WDSUB1: variants seen among roughly 807,000 people sequenced by gnomAD.
The protein encoded by WDSUB1 is WD repeat, SAM and U-box domain-containing protein 1.
A neutral mutation model predicts 53.9 loss-of-function variants in WDSUB1; 49 were observed. That is an observed-to-expected ratio of 0.91 (90% confidence interval 0.72 to 1.15). The LOEUF is 1.15. Among genes scored for constraint, WDSUB1 ranks in the 50% most tolerant of loss-of-function variants. The pLI is 0.00. For synonymous variants in WDSUB1, 194 were observed against 200.6 expected, an observed-to-expected ratio of 0.97 and a Z score of 0.28; for missense variants, 514 against 562.0, an observed-to-expected ratio of 0.91 and a Z score of 0.86.
chr2:159,265,242 C>CT (rs34885885), intron 5 of WDSUB1, among the ~76,000 whole-genome samples: 53,355 of 151,586 alleles, frequency 0.35, 12,370 homozygotes, highest in Non-Finnish European at 0.54. Context: ...CAGTGAGCCA[C>CT]TCCAGCCTGG....
At chr2:159,247,945 A>ATATATATATATATAAATATATATAT in intron 10 of WDSUB1, among the ~76,000 whole-genome samples, 1 of 107,580 alleles carries the variant, frequency 9.3e-6, no homozygotes, top group East Asian at 2.5e-4. Context: ...ATATATATAA[A>ATATATATATATATAAATATATATAT]ATTTGGATTC....
rs189179235 is a variant in WDSUB1 at position 159,257,077 on chromosome 2, C to T, written c.952+681G>A. On this transcript the variant is annotated intron_variant, in intron 8 of 10. Transcript: ENST00000359774. The stretch of plus-strand genomic sequence containing the variant: ...ACAGTGGCGTGTTCTCAGCTCACTG[C>T]AGCCTCATGACCTCCTGGGCTCAGG... 3.3e-5 allele frequency among the ~76,000 whole-genome samples: 5 copies of T among 152,160 alleles called. No homozygotes were observed. In the East Asian group the frequency reaches 9.7e-4, roughly 29 times the overall value.
At chr2:159,282,545 A>G in intron 2 of WDSUB1, 127 bp downstream of exon 2, 1 of 1,140,280 alleles carries the variant, frequency 8.8e-7, no homozygotes, top group Non-Finnish European at 1.2e-6. Context: ...TCCTAGGGTC[A>G]TCAAAATATT....
chr2:159,249,205 C>T (rs1392722550), intron 9 of WDSUB1, among the ~76,000 whole-genome samples: 15 of 152,116 alleles, frequency 9.9e-5, no homozygotes, highest in Admixed American at 9.8e-4. Flanking sequence ...ATAAAAATGC[C>T]ATGTTACGAT....
intron 3 of WDSUB1, among the ~76,000 whole-genome samples, chr2:159,278,745 T>G (rs1330325858): frequency 6.6e-6 from 1 of 152,090 alleles, no homozygotes; most frequent in African/African-American, 2.4e-5. Flanking sequence ...CAAGAGCAAT[T>G]TGAGATTAGG....
At chr2:159,248,957 T>C (rs1394416610) in intron 9 of WDSUB1, among the ~76,000 whole-genome samples, 1 of 152,242 alleles carries the variant, frequency 6.6e-6, no homozygotes, top group Non-Finnish European at 1.5e-5. Flanking sequence ...CATACTGTTT[T>C]ACCGCATGAA....
intron 9 of WDSUB1, among the ~76,000 whole-genome samples, chr2:159,250,322 T>A (rs2060923049): frequency 1.3e-5 from 2 of 152,174 alleles, no homozygotes; most frequent in Non-Finnish European, 2.9e-5. Context: ...CAATTTTTTT[T>A]AAAGTGTCAC....
intron 9 of WDSUB1, among the ~76,000 whole-genome samples, chr2:159,252,416 A>T (rs938768771): frequency 1.3e-5 from 2 of 152,212 alleles, no homozygotes. Flanking sequence ...TAACAGCCAT[A>T]AAGACCTGTG....
At chr2:159,242,459 G>A (rs771661748) in intron 10 of WDSUB1, among the ~76,000 whole-genome samples, 3 of 146,430 alleles carry the variant, frequency 2.0e-5, no homozygotes, top group Non-Finnish European at 4.4e-5. Flanking sequence ...TTGGGAGATC[G>A]AGACCATCCT....
At chr2:159,249,788 G>T (rs2060904641) in intron 9 of WDSUB1, among the ~76,000 whole-genome samples, 1 of 151,984 alleles carries the variant, frequency 6.6e-6, no homozygotes, top group Non-Finnish European at 1.5e-5. Flanking sequence ...AGGGGAGGCT[G>T]GGTACAGTGG....
At chr2:159,236,327 AC>A in intron 10 of WDSUB1, 137 bp from the exon 11 acceptor site, 2 of 851,448 alleles carry the variant, frequency 2.3e-6, no homozygotes, top group East Asian at 2.7e-5. Context: ...TTGTACCAGC[AC>A]CCCCAAAAAT....
At chr2:159,239,485 T>C (rs2060584032) in intron 10 of WDSUB1, among the ~76,000 whole-genome samples, 1 of 129,808 alleles carries the variant, frequency 7.7e-6, no homozygotes, top group Admixed American at 7.0e-5. Context: ...AAAGGGTTTT[T>C]CCCTTTCAAG....
intron 1 of WDSUB1, among the ~76,000 whole-genome samples, chr2:159,285,631 C>T (rs554299252): frequency 1.3e-5 from 2 of 152,186 alleles, no homozygotes; most frequent in Admixed American, 6.5e-5. Flanking sequence ...ACTTGAGCCC[C>T]GGAGGTGACG....
At chr2:159,251,016 C>T in intron 9 of WDSUB1, among the ~76,000 whole-genome samples, 1 of 151,818 alleles carries the variant, frequency 6.6e-6, no homozygotes. Context: ...ATAATCTCAG[C>T]ACTTGAGAGG....
chr2:159,258,266 T>C (rs1265126555), intron 6 of WDSUB1, among the ~76,000 whole-genome samples: 1 of 152,236 alleles, frequency 6.6e-6, no homozygotes, highest in East Asian at 1.9e-4. Context: ...CTCATCTGTT[T>C]GAACCTACTA....
chr2:159,261,892 ATATATTTTTTTTTTTTTTTT>A (rs1198316634), intron 5 of WDSUB1, among the ~76,000 whole-genome samples: 20 of 13,242 alleles, frequency 1.5e-3, no homozygotes, highest in Admixed American at 2.7e-3. Context: ...ATATATATAT[ATATATTTTTTTTTTTTTTTT>A]TTTTTTTTTT....
rs1178680159 is a variant in WDSUB1 at position 159,257,815 on chromosome 2, C to T, written c.895G>A (p.Gly299Ser). The part of the protein sequence containing the change: ...FAPNTLLLAT[G>S]SMDKTVNIWQ... ...ATGTTCACTGTTTTGTCCATTGAACCAGTAGCAAGTAAAAGGGTATTAGGT... is the reference window on the plus strand; with the variant it reads ...ATGTTCACTGTTTTGTCCATTGAACTAGTAGCAAGTAAAAGGGTATTAGGT... The change falls in exon 8 of 11, where the codon GGT becomes AGT. Residue 299 changes from glycine (G) to serine (S), a missense_variant. Physicochemically the swap from Gly to Ser is moderately conservative, Grantham distance 56. Transcript: ENST00000359774. 2 of 1,614,062 alleles carry T rather than the reference C, an allele frequency of 1.2e-6. No individual in the cohort carries two copies. Among genetic ancestry groups the T allele is most frequent in the Non-Finnish European group, 8.5e-7 (1 of 1,180,016 alleles).
chr2:159,245,060 T>G (rs2060761016), intron 10 of WDSUB1, among the ~76,000 whole-genome samples: 2 of 152,200 alleles, frequency 1.3e-5, no homozygotes, highest in Non-Finnish European at 2.9e-5. Context: ...GTTCATGGAT[T>G]AGAGCAGTTC....
In WDSUB1 at chr2:159,279,531, T is replaced by G. The variant is rs138486142; in HGVS notation, c.583+230A>C. On this transcript the variant is annotated intron_variant, in intron 3 of 10. Transcript: ENST00000359774. ...GCATATAATAAAGAATGTAATTTTC[T>G]TGCAGGAAACTCCAAGACCAAAAAA... Among the ~76,000 whole-genome samples the G allele has an allele frequency of 7.9e-5, 12 of 152,304 alleles. No individual in the cohort carries two copies. The East Asian group carries it at 2.3e-3, about 29-fold the overall frequency.
Sources: gnomAD v4.1 joint callset for allele counts (sites outside exome capture counted in the v4.1 genomes callset) on GRCh38, gnomAD v4.1.1 for gene constraint, MANE v1.5 for transcripts, NCBI Gene and HGNC (gene_info 2026-07-23, HGNC 2026-07-21) for gene names.